ADAMTSL1: variants seen among roughly 807,000 people sequenced by gnomAD.
The protein encoded by ADAMTSL1 is ADAMTS-like protein 1.
ADAMTSL1 carries 126 observed loss-of-function variants against 201.8 expected under a neutral mutation model. The observed-to-expected ratio is 0.62, with a 90% confidence interval of 0.54 to 0.72. ADAMTSL1 has a LOEUF of 0.72. ADAMTSL1 is among the 30% of genes least tolerant of loss of function. The pLI is 0.00. For missense variants in ADAMTSL1, 2,679 were observed against 2,277.8 expected (o/e 1.18, Z -3.59); for synonymous variants, 1,121 against 903.4 (o/e 1.24, Z -4.32).
intron 1 of ADAMTSL1, among the ~76,000 whole-genome samples, chr9:18,150,523 G>A (rs1826861685): frequency 6.6e-6 from 1 of 152,046 alleles, no homozygotes; most frequent in South Asian, 2.1e-4. Context: ...GAGTCATGAA[G>A]TATAGTGAAG....
At chr9:18,367,161 T>G (rs999660917) in intron 2 of ADAMTSL1, among the ~76,000 whole-genome samples, 1 of 152,202 alleles carries the variant, frequency 6.6e-6, no homozygotes, top group Non-Finnish European at 1.5e-5. Context: ...CATTTAATGG[T>G]TCCTAGCAAT....
chr9:18,417,376 A>G (rs954476673), intron 2 of ADAMTSL1, among the ~76,000 whole-genome samples: 9 of 148,950 alleles, frequency 6.0e-5, no homozygotes, highest in Non-Finnish European at 9.0e-5. Flanking sequence ...GGAAAAAAAA[A>G]AAAAAGAAAA....
At chr9:18,884,045 G>A (rs1012254155) in intron 23 of ADAMTSL1, among the ~76,000 whole-genome samples, 1 of 152,146 alleles carries the variant, frequency 6.6e-6, no homozygotes, top group Non-Finnish European at 1.5e-5. Context: ...CAATGCACAA[G>A]GGTTCCAATT....
chr9:18,410,569 G>T (rs1353347218), intron 2 of ADAMTSL1, among the ~76,000 whole-genome samples: 1 of 152,058 alleles, frequency 6.6e-6, no homozygotes, highest in Non-Finnish European at 1.5e-5. Flanking sequence ...TCCTTTTTAT[G>T]GCTGCATAGT....
At chr9:18,199,147 A>T (rs1829320612) in intron 2 of ADAMTSL1, among the ~76,000 whole-genome samples, 1 of 151,514 alleles carries the variant, frequency 6.6e-6, no homozygotes, top group African/African-American at 2.4e-5. Context: ...ATTGGAAGAT[A>T]TACCTAATGC....
chr9:18,013,818 G>A (rs1241242499), intron 1 of ADAMTSL1, among the ~76,000 whole-genome samples: 1 of 151,968 alleles, frequency 6.6e-6, no homozygotes, highest in African/African-American at 2.4e-5. Flanking sequence ...TAGGGGGGGA[G>A]CTTCTCATCT....
intron 14 of ADAMTSL1, among the ~76,000 whole-genome samples, chr9:18,715,317 A>G (rs1319739467): frequency 2.6e-5 from 4 of 152,108 alleles, no homozygotes; most frequent in Admixed American, 2.6e-4. Flanking sequence ...TGAAGATGAC[A>G]TGATTGTATA....
At chr9:18,143,578 T>A (rs943690781) in intron 1 of ADAMTSL1, among the ~76,000 whole-genome samples, 1 of 152,080 alleles carries the variant, frequency 6.6e-6, no homozygotes, top group Non-Finnish European at 1.5e-5. Context: ...CAGAACCCCA[T>A]GGGTCAAGTG....
At chr9:18,570,707 C>CT (rs1186707506) in intron 3 of ADAMTSL1, among the ~76,000 whole-genome samples, 2 of 152,162 alleles carry the variant, frequency 1.3e-5, no homozygotes, top group East Asian at 3.8e-4. Context: ...AACTCAAACA[C>CT]TAAAAAGGTT....
chr9:18,784,101 C>T (rs1309370546), intron 19 of ADAMTSL1, among the ~76,000 whole-genome samples: 1 of 152,202 alleles, frequency 6.6e-6, no homozygotes, highest in Non-Finnish European at 1.5e-5. Context: ...TACACAAATA[C>T]TTGCTGTTCA....
chr9:18,451,622 A>C (rs978783427), intron 2 of ADAMTSL1, among the ~76,000 whole-genome samples: 1 of 152,152 alleles, frequency 6.6e-6, no homozygotes, highest in Non-Finnish European at 1.5e-5. Context: ...AAACCTTACA[A>C]ATTTCAGCTC....
chr9:18,298,731 G>C (rs10810947), intron 2 of ADAMTSL1, among the ~76,000 whole-genome samples: 55,469 of 151,216 alleles, frequency 0.37, 11,551 homozygotes, highest in South Asian at 0.6. Context: ...TGTCAGTCAA[G>C]AACAATAATA....
intron 21 of ADAMTSL1, 69 bp from the exon 22 acceptor site, chr9:18,826,213 AAT>A (rs756424663): frequency 6.5e-7 from 1 of 1,537,186 alleles, no homozygotes; most frequent in Non-Finnish European, 8.8e-7. Flanking sequence ...AGAAGCTATA[AAT>A]GCCTCTGGGC....
At chr9:18,482,664 G>A (rs1050299908) in intron 1 of ADAMTSL1, among the ~76,000 whole-genome samples, 1 of 152,162 alleles carries the variant, frequency 6.6e-6, no homozygotes, top group Non-Finnish European at 1.5e-5. Flanking sequence ...CCATAGTAAG[G>A]TATGGTAGGG....
At chr9:18,744,271 C>G (rs1328964482) in intron 15 of ADAMTSL1, among the ~76,000 whole-genome samples, 1 of 152,246 alleles carries the variant, frequency 6.6e-6, no homozygotes, top group Non-Finnish European at 1.5e-5. Context: ...GCTATGTCTC[C>G]TGGGCTTTTG....
intron 2 of ADAMTSL1, among the ~76,000 whole-genome samples, chr9:18,392,344 G>A (rs1316719234): frequency 6.6e-6 from 1 of 152,112 alleles, no homozygotes; most frequent in Non-Finnish European, 1.5e-5. Flanking sequence ...CTAGCTTCAT[G>A]GGGATAAAAA....
intron 1 of ADAMTSL1, among the ~76,000 whole-genome samples, chr9:17,933,368 TCTC>T (rs1826875006): frequency 6.6e-6 from 1 of 152,230 alleles, no homozygotes; most frequent in African/African-American, 2.4e-5. Flanking sequence ...TCCAAGATAA[TCTC>T]CTCATCTGAA....
intron 23 of ADAMTSL1, among the ~76,000 whole-genome samples, chr9:18,873,454 C>G (rs535842509): frequency 6.6e-6 from 1 of 152,142 alleles, no homozygotes; most frequent in Non-Finnish European, 1.5e-5. Flanking sequence ...AGTCCTTGAT[C>G]CATTTTGAGT....
chr9:18,100,321 C>T (rs996204909), intron 1 of ADAMTSL1, among the ~76,000 whole-genome samples: 3 of 152,104 alleles, frequency 2.0e-5, no homozygotes, highest in African/African-American at 7.2e-5. Context: ...TGCTCTATCA[C>T]CCAGGCTAGA....
Sources: allele counts gnomAD v4.1 joint callset (sites outside exome capture counted in the v4.1 genomes callset), GRCh38; gene constraint gnomAD v4.1.1; transcripts MANE v1.5; gene names NCBI Gene and HGNC (gene_info 2026-07-23, HGNC 2026-07-21).